Variants in RBM33 observed in about 807,000 individuals in gnomAD.
RBM33 encodes RNA binding motif protein 33.
Under a neutral mutation model 132.6 loss-of-function variants are expected in RBM33, and 28 were observed. The observed-to-expected ratio is 0.21, with a 90% CI of 0.16 to 0.29. The LOEUF is 0.29. Among genes scored for constraint, RBM33 ranks in the 10% least tolerant of loss-of-function variants. The pLI, the probability that RBM33 is intolerant of heterozygous loss-of-function variation, is 1.00. For synonymous variants in RBM33, 634 were observed against 593.0 expected (o/e 1.07, Z -1.01); for missense variants, 1,291 against 1,518.5 (o/e 0.85, Z 2.49).
chr7:155,730,375 A>G (rs1390753441), intron 9 of RBM33, among the ~76,000 whole-genome samples: 1 of 152,268 alleles, frequency 6.6e-6, no homozygotes, highest in Non-Finnish European at 1.5e-5. Flanking sequence ...GAAATATGTC[A>G]GAAGCTATAT....
intron 14 of RBM33, among the ~76,000 whole-genome samples, chr7:155,751,395 A>G (rs1159901873): frequency 6.6e-6 from 1 of 152,226 alleles, no homozygotes; most frequent in African/African-American, 2.4e-5. Context: ...ATTGTTGTGC[A>G]CTGATACTAT....
chr7:155,744,854 TACTG>T lies in RBM33; in HGVS notation c.2338-105_2338-102del, dbSNP rs1479027005. 1.1e-5 allele frequency: 12 copies of T among 1,101,234 alleles called. No homozygotes were observed. In the African/African-American group the frequency reaches 1.7e-4, roughly 16 times the overall value. 68.2% of individuals were successfully genotyped at this position (1,101,234 alleles called of 1,614,324 possible). ...CAGATTTTGAGTGACTTCTTTCAGA[TACTG>T]AATTAAAGGACTTGTGGTAAATGTG... On this transcript the variant is annotated intron_variant, in intron 13 of 17. Transcript: ENST00000401878.
intron 5 of RBM33, among the ~76,000 whole-genome samples, chr7:155,700,440 C>CA (rs896083651): frequency 1.3e-5 from 2 of 151,032 alleles, no homozygotes; most frequent in African/African-American, 4.9e-5. Flanking sequence ...GTATTAAACT[C>CA]AAAGCAATAA....
chr7:155,714,386 A>C (rs1585476779), intron 8 of RBM33, among the ~76,000 whole-genome samples: 1 of 152,268 alleles, frequency 6.6e-6, no homozygotes, highest in South Asian at 2.1e-4. Flanking sequence ...GATTGTTTGA[A>C]TCAGGATCCT....
chr7:155,731,018 G>A (rs1047079306), intron 9 of RBM33, among the ~76,000 whole-genome samples: 9 of 151,494 alleles, frequency 5.9e-5, no homozygotes, highest in African/African-American at 2.2e-4. Context: ...TTCTAATTCA[G>A]TAACTCTTTC....
chr7:155,673,959 T>G (rs1486311093), intron 3 of RBM33, among the ~76,000 whole-genome samples: 3 of 124,162 alleles, frequency 2.4e-5, no homozygotes, highest in African/African-American at 6.0e-5. Flanking sequence ...TTTTTTTTTT[T>G]TTTTTTTTTT....
rs75580877 is a variant in RBM33 at position 155,763,529 on chromosome 7, C to T, written c.2980-283C>T. On this transcript the variant is annotated intron_variant, in intron 14 of 17. Transcript: ENST00000401878. ...TATTTTGAAAATAACCAGTATTTCA[C>T]GGAATTCGACAACATTTATTTTAAT... 1.4e-3 allele frequency among the ~76,000 whole-genome samples: 217 copies of T among 152,278 alleles called. 4 individuals carry two copies. The highest frequency in any genetic ancestry group is 4.9e-3 in the African/African-American group (205 of 41,552).
chr7:155,699,478 C>T (rs1480590684), intron 5 of RBM33, among the ~76,000 whole-genome samples: 1 of 152,156 alleles, frequency 6.6e-6, no homozygotes, highest in Admixed American at 6.5e-5. Context: ...CAGCACGTAC[C>T]TTGCAGGCAT....
chr7:155,661,234 G>C (rs1798642097), intron 1 of RBM33, among the ~76,000 whole-genome samples: 1 of 148,334 alleles, frequency 6.7e-6, no homozygotes, highest in African/African-American at 2.5e-5. Flanking sequence ...TGCCTCCCTG[G>C]TTCAAGCCAT....
intron 7 of RBM33, among the ~76,000 whole-genome samples, chr7:155,708,016 C>T (rs192420558): frequency 1.3e-5 from 2 of 152,288 alleles, no homozygotes; most frequent in African/African-American, 2.4e-5. Context: ...AGTCAGTCTT[C>T]AAGGAAAAAT....
intron 14 of RBM33, among the ~76,000 whole-genome samples, chr7:155,746,922 G>A (rs1801535903): frequency 6.6e-6 from 1 of 152,212 alleles, no homozygotes; most frequent in South Asian, 2.1e-4. Context: ...CAGGATGGTA[G>A]GACATGTGAT....
At chr7:155,665,319 T>G in intron 2 of RBM33, 66 bp downstream of exon 2, 8 of 1,431,218 alleles carry the variant, frequency 5.6e-6, no homozygotes, top group Non-Finnish European at 7.9e-6. Context: ...ACTTGGCTCC[T>G]GAGGGATCTT....
In RBM33 at chr7:155,774,487, C is replaced by T; in HGVS notation, c.3376-72C>T. The T allele has an allele frequency of 1.8e-6, 2 of 1,128,348 alleles. No homozygotes were observed. Among genetic ancestry groups the T allele is most frequent in the South Asian group, 1.3e-5 (1 of 76,862 alleles). 69.9% of individuals were successfully genotyped at this position (1,128,348 alleles called of 1,614,324 possible). A position where few individuals can be genotyped will look rare whatever the true frequency, so the allele number is the denominator to read the frequency against. On this transcript the variant is annotated intron_variant, in intron 16 of 17. Transcript: ENST00000401878. The surrounding 1 kb of genome is among the most constrained non-coding windows in gnomAD (Gnocchi z 4.2). Reference sequence around the variant, plus strand: ...TCATTTTGTGTTAAAACTAATAATGCTTAAATATATATATTCATATTTTTT... The same window carrying T: ...TCATTTTGTGTTAAAACTAATAATGTTTAAATATATATATTCATATTTTTT...
At chr7:155,665,304 C>A in intron 2 of RBM33, 51 bp downstream of exon 2, 1 of 1,524,504 alleles carries the variant, frequency 6.6e-7, no homozygotes, top group South Asian at 1.1e-5. Flanking sequence ...CTCTCTCATT[C>A]TGACACTTGG....
At chr7:155,687,086 A>G (rs567088058) in intron 5 of RBM33, among the ~76,000 whole-genome samples, 11 of 152,364 alleles carry the variant, frequency 7.2e-5, no homozygotes, top group African/African-American at 2.6e-4. Context: ...ACTAGTTTAC[A>G]GTCCCACCAA....
intron 2 of RBM33, 49 bp from the exon 3 acceptor site, chr7:155,672,818 C>G: frequency 2.2e-6 from 3 of 1,369,170 alleles, no homozygotes; most frequent in Non-Finnish European, 3.0e-6. Context: ...TACAAACTTG[C>G]AAGTCTTATG....
intron 1 of RBM33, among the ~76,000 whole-genome samples, chr7:155,657,653 T>C (rs1455540714): frequency 1.1e-4 from 17 of 152,188 alleles, no homozygotes; most frequent in Admixed American, 1.1e-3. Flanking sequence ...GGCAACAGGC[T>C]CCAGCCACTG....
In RBM33 at chr7:155,738,045, T is replaced by C. The variant is rs1330217777; in HGVS notation, c.1394-15T>C. On this transcript the variant is annotated splice_polypyrimidine_tract_variant and intron_variant, in intron 10 of 17. Coordinates refer to ENST00000401878, the MANE Select transcript of RBM33 (RefSeq NM_053043.3). Reference sequence around the variant, plus strand: ...CTTTTTAACCTGAAGTTAATGATGTTGTGTTACCTTTCAGTTTCAGGTGAA... The same window carrying C: ...CTTTTTAACCTGAAGTTAATGATGTCGTGTTACCTTTCAGTTTCAGGTGAA... The C allele has an allele frequency of 6.2e-7, 1 of 1,603,380 alleles. No individual in the cohort carries two copies. The highest frequency in any genetic ancestry group is 1.3e-5 in the African/African-American group (1 of 74,838).
rs79893849 is a variant in RBM33, at chr7:155,665,679, G to A, written c.122+426G>A. Among the ~76,000 whole-genome samples, 179 of 152,252 alleles carry A rather than the reference G, an allele frequency of 1.2e-3. 2 individuals are homozygous for A. The East Asian group carries it at 0.031, about 26-fold the overall frequency. On this transcript the variant is annotated intron_variant, in intron 2 of 17. Coordinates refer to ENST00000401878, the MANE Select transcript of RBM33 (RefSeq NM_053043.3). ...TTAACTTTCATTTTCCTGGTTACCA[G>A]TGAAGATGAAAATACCTGTTTAGGA...
Sources: gnomAD v4.1 joint callset for allele counts (sites outside exome capture counted in the v4.1 genomes callset) on GRCh38, gnomAD v4.1.1 for gene constraint, Gnocchi (gnomAD v3.1) non-coding constraint, MANE v1.5 for transcripts, NCBI Gene and HGNC (gene_info 2026-07-23, HGNC 2026-07-21) for gene names.